The following EXOC6B variants were observed in gnomAD, a reference collection of about 807,000 sequenced individuals.
The protein encoded by EXOC6B is exocyst complex component 6B.
Under a neutral mutation model 113.5 loss-of-function variants are expected in EXOC6B, and 54 were observed. The observed-to-expected ratio is 0.48, with a 90% CI of 0.38 to 0.60. The LOEUF is 0.60. EXOC6B is among the 20% of genes least tolerant of loss of function. The pLI is 0.00. For synonymous variants in EXOC6B, 357 were observed against 339.0 expected (o/e 1.05, Z -0.58); for missense variants, 797 against 977.5 (o/e 0.82, Z 2.46).
chr2:72,778,750 T>C (rs1683858041), intron 1 of EXOC6B, among the ~76,000 whole-genome samples: 1 of 152,170 alleles, frequency 6.6e-6, no homozygotes, highest in Non-Finnish European at 1.5e-5. Flanking sequence ...CTTCACTCCT[T>C]TGGGGTAAAG....
rs900331343 is a variant in EXOC6B at position 72,546,738 on chromosome 2, T to C, written c.915+12715A>G. On this transcript the variant is annotated intron_variant, in intron 8 of 21. Transcript: ENST00000272427. ...AGAAAAACAGGTCATCAGCTTGCCATGCATAATGGCTGCTCAGGGAATAAA... is the reference window on the plus strand; with the variant it reads ...AGAAAAACAGGTCATCAGCTTGCCACGCATAATGGCTGCTCAGGGAATAAA... Among the ~76,000 whole-genome samples the C allele has an allele frequency of 4.6e-5, 7 of 152,324 alleles. No individual in the cohort carries two copies. In the South Asian group the frequency reaches 1.0e-3, roughly 23 times the overall value.
chr2:72,661,382 A>AC (rs1188184574), intron 6 of EXOC6B, among the ~76,000 whole-genome samples: 4 of 151,944 alleles, frequency 2.6e-5, no homozygotes, highest in Non-Finnish European at 5.9e-5. Context: ...AAAAAAAAAA[A>AC]AAAAAACCTA....
chr2:72,788,696 G>A (rs1273768651), intron 1 of EXOC6B, among the ~76,000 whole-genome samples: 1 of 152,170 alleles, frequency 6.6e-6, no homozygotes, highest in Non-Finnish European at 1.5e-5. Flanking sequence ...TACTCCAGAG[G>A]CTGAGGTGGA....
chr2:72,401,402 C>A lies in EXOC6B; in HGVS notation c.1981-21532G>T, dbSNP rs1484220671. On this transcript the variant is annotated intron_variant, in intron 18 of 21. Transcript: ENST00000272427. ...ACTTGAACCCAGGAGGCGGAGGTTGCAGTGAGCCGAGATCATGCCATTGCA... is the reference window on the plus strand; with the variant it reads ...ACTTGAACCCAGGAGGCGGAGGTTGAAGTGAGCCGAGATCATGCCATTGCA... 4.9e-5 allele frequency among the ~76,000 whole-genome samples: 7 copies of A among 144,184 alleles called. No homozygotes were observed. In the East Asian group the frequency reaches 1.4e-3, roughly 29 times the overall value. The allele number at this position is 144,184 out of a possible 152,430, so 94.6% of individuals were successfully genotyped here.
intron 20 of EXOC6B, among the ~76,000 whole-genome samples, chr2:72,204,049 T>C (rs1199256391): frequency 6.6e-6 from 1 of 150,694 alleles, no homozygotes; most frequent in Non-Finnish European, 1.5e-5. Flanking sequence ...CTGCTTTCTC[T>C]GGATACCAGC....
Position 72,794,982 on chromosome 2 carries a change from C to T in EXOC6B, c.113+30816G>A, listed in dbSNP as rs536253629. On this transcript the variant is annotated intron_variant, in intron 1 of 21. Transcript: ENST00000272427. Reference sequence around the variant, plus strand: ...ATGGAAGTACAAAAACACATGCAGTCGTCTAGAAATAACAATTAGTACAGT... The same window carrying T: ...ATGGAAGTACAAAAACACATGCAGTTGTCTAGAAATAACAATTAGTACAGT... Among the ~76,000 whole-genome samples the T allele has an allele frequency of 7.9e-5, 12 of 152,228 alleles. No homozygotes were observed. In the South Asian group the frequency reaches 8.3e-4, roughly 11 times the overall value.
At chr2:72,218,196 G>C (rs540688419) in intron 20 of EXOC6B, among the ~76,000 whole-genome samples, 11 of 152,306 alleles carry the variant, frequency 7.2e-5, no homozygotes, top group African/African-American at 2.6e-4. Context: ...ACGCATTTGT[G>C]GATGTGCACA....
At chr2:72,512,317 AAGGAAGGAAGGAAGGAAG>A (rs1700951321) in intron 11 of EXOC6B, among the ~76,000 whole-genome samples, 5 of 9,308 alleles carry the variant, frequency 5.4e-4, no homozygotes, top group Non-Finnish European at 4.6e-4. Flanking sequence ...AGAAACACGG[AAGGAAGGAAGGAAGGAAG>A]GAAGGAAGGA....
chr2:72,228,017 T>C (rs1319776000), intron 20 of EXOC6B, among the ~76,000 whole-genome samples: 1 of 152,110 alleles, frequency 6.6e-6, no homozygotes, highest in Non-Finnish European at 1.5e-5. Context: ...GAAGGTATGA[T>C]TGAAGTATAG....
At chr2:72,398,764 G>C (rs1692931820) in intron 18 of EXOC6B, among the ~76,000 whole-genome samples, 1 of 139,998 alleles carries the variant, frequency 7.1e-6, no homozygotes, top group African/African-American at 2.8e-5. Flanking sequence ...ACACACAATT[G>C]GTTTTGTTTC....
chr2:72,514,576 CAATAAATA>C lies in EXOC6B; in HGVS notation c.1046+50_1046+57del, dbSNP rs59422959. The C allele has an allele frequency of 3.5e-3, 785 of 221,446 alleles. 4 individuals carry two copies. The highest frequency in any genetic ancestry group is 6.2e-3 in the East Asian group (47 of 7,612). 13.7% of individuals were successfully genotyped at this position (221,446 alleles called of 1,614,324 possible). ...CTATGTATGGAAAGAGTATAAATTT[CAATAAATA>C]AATAAATAAATAAATAAATAAATAT... On this transcript the variant is annotated intron_variant, in intron 10 of 21. Transcript: ENST00000272427.
chr2:72,446,962 C>T (rs575418090), intron 18 of EXOC6B, among the ~76,000 whole-genome samples: 7 of 152,004 alleles, frequency 4.6e-5, no homozygotes, highest in South Asian at 4.2e-4. Flanking sequence ...ATTAGCTGGG[C>T]GTGGTGGTGC....
intron 20 of EXOC6B, among the ~76,000 whole-genome samples, chr2:72,308,504 A>C (rs1336672615): frequency 1.3e-5 from 2 of 152,210 alleles, no homozygotes; most frequent in East Asian, 3.8e-4. Flanking sequence ...TCTGCTACTG[A>C]GAAGACACCT....
intron 17 of EXOC6B, among the ~76,000 whole-genome samples, chr2:72,469,816 C>T (rs1316900958): frequency 6.6e-6 from 1 of 151,916 alleles, no homozygotes; most frequent in Non-Finnish European, 1.5e-5. Flanking sequence ...TTTTCTGCCT[C>T]CTGGATTTGT....
intron 20 of EXOC6B, among the ~76,000 whole-genome samples, chr2:72,192,291 T>C (rs759983937): frequency 6.6e-6 from 1 of 152,202 alleles, no homozygotes; most frequent in Non-Finnish European, 1.5e-5. Flanking sequence ...GTAGCAATGA[T>C]ACTGGCCAGA....
At chr2:72,555,712 T>C (rs1703501611) in intron 8 of EXOC6B, among the ~76,000 whole-genome samples, 1 of 152,184 alleles carries the variant, frequency 6.6e-6, no homozygotes, top group Admixed American at 6.5e-5. Flanking sequence ...AGTAGCATGA[T>C]CTCGGCTCAC....
intron 6 of EXOC6B, among the ~76,000 whole-genome samples, chr2:72,635,129 T>A (rs1672732688): frequency 6.6e-6 from 1 of 151,960 alleles, no homozygotes; most frequent in Non-Finnish European, 1.5e-5. Flanking sequence ...CTCAAATCAA[T>A]AATCTAAGCT....
intron 6 of EXOC6B, among the ~76,000 whole-genome samples, chr2:72,692,580 T>C (rs1677570936): frequency 6.6e-6 from 1 of 152,124 alleles, no homozygotes; most frequent in South Asian, 2.1e-4. Context: ...CTCCATCTCC[T>C]GACCTCGTGA....
At chr2:72,735,688 T>C (rs1194467381) in intron 2 of EXOC6B, among the ~76,000 whole-genome samples, 1 of 151,198 alleles carries the variant, frequency 6.6e-6, no homozygotes, top group Admixed American at 6.6e-5. Flanking sequence ...TGGTGGTGCA[T>C]GCCTAGAATC....
Sources: allele counts gnomAD v4.1 joint callset (sites outside exome capture counted in the v4.1 genomes callset), GRCh38; gene constraint gnomAD v4.1.1; transcripts MANE v1.5; gene names NCBI Gene and HGNC (gene_info 2026-07-23, HGNC 2026-07-21).